Variants in LARGE1 observed in about 807,000 individuals in gnomAD.
LARGE1 encodes LARGE xylosyl- and glucuronyltransferase 1, also known as xylosyl- and glucuronyltransferase LARGE1.
A neutral mutation model predicts 87.6 loss-of-function variants in LARGE1; 43 were observed. That is an observed-to-expected ratio of 0.49 (90% CI 0.38 to 0.63). LARGE1 has a LOEUF of 0.63. Ranked by LOEUF, LARGE1 falls within the 30% of genes least tolerant of loss-of-function variation. The probability of loss-of-function intolerance (pLI) is 0.00; values close to 1 mark genes in which losing one functional copy is unlikely to be tolerated. For missense variants in LARGE1, 802 were observed against 1,000.2 expected (o/e 0.80, Z 2.67); for synonymous variants, 434 against 394.6 (o/e 1.10, Z -1.18).
intron 9 of LARGE1, among the ~76,000 whole-genome samples, chr22:33,378,096 T>C (rs1221296282): frequency 1.3e-5 from 2 of 152,232 alleles, no homozygotes; most frequent in Non-Finnish European, 2.9e-5. Context: ...GTGTGTTTTG[T>C]GATTCCTGAG....
At chr22:33,910,657 A>C (rs2065607606) in intron 1 of LARGE1, among the ~76,000 whole-genome samples, 1 of 152,172 alleles carries the variant, frequency 6.6e-6, no homozygotes, top group African/African-American at 2.4e-5. Flanking sequence ...TAGGAGCTTG[A>C]TCAACGTTGG....
chr22:33,843,279 T>C (rs1328260442), intron 1 of LARGE1, among the ~76,000 whole-genome samples: 1 of 151,736 alleles, frequency 6.6e-6, no homozygotes, highest in Admixed American at 6.6e-5. Flanking sequence ...GCTGTAAGGA[T>C]TGGCACTTTG....
intron 2 of LARGE1, chr22:33,657,138 GGCTC>G (rs2080982675): frequency 6.6e-6 from 1 of 152,210 alleles, no homozygotes; most frequent in African/African-American, 2.4e-5. Flanking sequence ...CCATGAAGGG[GGCTC>G]AGACCCTTTC....
intron 6 of LARGE1, among the ~76,000 whole-genome samples, chr22:33,483,771 G>A (rs2069440384): frequency 6.6e-6 from 1 of 152,166 alleles, no homozygotes; most frequent in African/African-American, 2.4e-5. Context: ...GTGGGCCACT[G>A]GCTTGTAGAA....
chr22:33,180,365 C>T (rs1923097572), intron 11 of LARGE1, among the ~76,000 whole-genome samples: 1 of 152,160 alleles, frequency 6.6e-6, no homozygotes, highest in Non-Finnish European at 1.5e-5. Context: ...ATCAAAACCA[C>T]GATTAGATAC....
At chr22:33,921,167 C>T (rs1415478287), upstream of LARGE1, among the ~76,000 whole-genome samples, 19 of 151,976 alleles carry the variant, frequency 1.3e-4, no homozygotes, top group African/African-American at 4.3e-4. The surrounding 1 kb of genome is among the most constrained non-coding windows in gnomAD (Gnocchi z 4.1). Flanking sequence ...ACCGAGAGTT[C>T]GCCCCCGCAC....
In LARGE1 at chr22:33,273,553, C is replaced by G; in HGVS notation, c.*874G>C. ...AATGTGACCGGTGTAAAACAGCCAG[C>G]CCTCGTAATTCCGCAGTCCCCATCG... On this transcript the variant is annotated 3_prime_UTR_variant, in exon 15 of 15. Coordinates refer to ENST00000397394, the MANE Select transcript of LARGE1 (RefSeq NM_133642.5). 1 of 398,762 alleles carries G rather than the reference C, an allele frequency of 2.5e-6. No homozygotes were observed. Among genetic ancestry groups the G allele is most frequent in the Non-Finnish European group, 4.4e-6 (1 of 226,216 alleles). 24.7% of individuals were successfully genotyped at this position (398,762 alleles called of 1,614,324 possible).
intron 2 of LARGE1, among the ~76,000 whole-genome samples, chr22:33,680,044 T>G (rs2081709689): frequency 6.6e-6 from 1 of 152,172 alleles, no homozygotes; most frequent in Non-Finnish European, 1.5e-5. Context: ...TGTGGGGACT[T>G]CAAATGGAGG....
intron 6 of LARGE1, among the ~76,000 whole-genome samples, chr22:33,462,331 T>C (rs2148019680): frequency 1.3e-5 from 2 of 151,986 alleles, no homozygotes; most frequent in South Asian, 4.2e-4. Flanking sequence ...ATTTTTCAGA[T>C]AATAAAAAAC....
At chr22:33,845,618 C>T (rs568888022) in intron 1 of LARGE1, among the ~76,000 whole-genome samples, 5 of 152,222 alleles carry the variant, frequency 3.3e-5, no homozygotes, top group African/African-American at 1.2e-4. Context: ...TATAATGGAC[C>T]TTATAATGCA....
chr22:33,796,061 C>T lies in LARGE1; in HGVS notation c.-82-34503G>A, dbSNP rs1279784625. 2.6e-5 allele frequency among the ~76,000 whole-genome samples: 4 copies of T among 151,578 alleles called. No homozygotes were observed. In the South Asian group the frequency reaches 6.2e-4, roughly 24 times the overall value. Reference sequence around the variant, plus strand: ...TACCTGGGTTCAAATCCCACCTTTGCTATTTCTAAACTGACTTGATGCAAG... The same window carrying T: ...TACCTGGGTTCAAATCCCACCTTTGTTATTTCTAAACTGACTTGATGCAAG... On this transcript the variant is annotated intron_variant, in intron 1 of 14. Coordinates refer to ENST00000397394, the MANE Select transcript of LARGE1 (RefSeq NM_133642.5).
At chr22:33,730,077 AT>A (rs2083411420) in intron 2 of LARGE1, among the ~76,000 whole-genome samples, 1 of 152,142 alleles carries the variant, frequency 6.6e-6, no homozygotes, top group East Asian at 1.9e-4. Flanking sequence ...TTTAAAGTGC[AT>A]GAGTCCACAA....
intron 1 of LARGE1, among the ~76,000 whole-genome samples, chr22:33,906,336 T>C (rs1569026122): frequency 6.6e-6 from 1 of 152,156 alleles, no homozygotes; most frequent in Admixed American, 6.5e-5. Flanking sequence ...ATGAAAAGTC[T>C]TCATGTATTT....
At chr22:33,583,165 A>G (rs1442899621) in intron 5 of LARGE1, among the ~76,000 whole-genome samples, 2 of 152,090 alleles carry the variant, frequency 1.3e-5, no homozygotes, top group Admixed American at 6.5e-5. Context: ...CCAGAATTCT[A>G]GGAGCTAGAC....
chr22:33,323,785 C>T (rs760323673), intron 10 of LARGE1, among the ~76,000 whole-genome samples: 2 of 152,216 alleles, frequency 1.3e-5, no homozygotes, highest in Admixed American at 6.5e-5. Context: ...AGCTAATGCA[C>T]GTAAAACTGC....
chr22:33,690,059 A>G (rs2082054240), intron 2 of LARGE1, among the ~76,000 whole-genome samples: 1 of 152,190 alleles, frequency 6.6e-6, no homozygotes, highest in Admixed American at 6.5e-5. Context: ...CATTCCTCTC[A>G]TGCTGGCTGC....
chr22:33,193,842 T>C (rs1923920729), intron 11 of LARGE1, among the ~76,000 whole-genome samples: 1 of 148,698 alleles, frequency 6.7e-6, no homozygotes, highest in Non-Finnish European at 1.5e-5. Context: ...TATGTGTTCA[T>C]ATGTTTTATA....
chr22:33,227,230 G>A (rs1329048046), intron 11 of LARGE1, among the ~76,000 whole-genome samples: 1 of 152,168 alleles, frequency 6.6e-6, no homozygotes, highest in Admixed American at 6.5e-5. Flanking sequence ...CATACAGACA[G>A]CTAGTGGCAG....
chr22:33,553,038 C>T (rs2077575890), intron 6 of LARGE1, among the ~76,000 whole-genome samples: 1 of 152,170 alleles, frequency 6.6e-6, no homozygotes, highest in African/African-American at 2.4e-5. Flanking sequence ...GAGCAAACCC[C>T]CAACTCCTAT....
Sources: gnomAD v4.1 joint callset for allele counts (sites outside exome capture counted in the v4.1 genomes callset) on GRCh38, gnomAD v4.1.1 for gene constraint, Gnocchi (gnomAD v3.1) non-coding constraint, MANE v1.5 for transcripts, NCBI Gene and HGNC (gene_info 2026-07-23, HGNC 2026-07-21) for gene names.